ZBTB20: variants seen among roughly 807,000 people sequenced by gnomAD.
ZBTB20 encodes the protein zinc finger and BTB domain-containing protein 20.
Under a neutral mutation model 56.9 loss-of-function variants are expected in ZBTB20, and 9 were observed. The ratio of observed to expected loss-of-function variants is 0.16; its 90% confidence interval spans 0.10 to 0.28. The LOEUF (loss-of-function observed/expected upper bound fraction) is 0.28. Ranked by LOEUF, ZBTB20 falls within the 10% of genes least tolerant of loss-of-function variation. ZBTB20 has a pLI of 1.00. For synonymous variants in ZBTB20, 417 were observed against 420.7 expected (o/e 0.99, Z 0.11); for missense variants, 655 against 1,003.0 (o/e 0.65, Z 4.69).
At chr3:114,477,364 A>G (rs2040905258) in intron 7 of ZBTB20, among the ~76,000 whole-genome samples, 1 of 152,170 alleles carries the variant, frequency 6.6e-6, no homozygotes, top group South Asian at 2.1e-4. Flanking sequence ...TACTTTATAG[A>G]TAAAGAAACT....
At chr3:115,016,319 A>G (rs879216967) in intron 2 of ZBTB20, among the ~76,000 whole-genome samples, 1 of 151,864 alleles carries the variant, frequency 6.6e-6, no homozygotes, top group African/African-American at 2.4e-5. Flanking sequence ...CTTTAGTTTA[A>G]TTAGATCCCA....
intron 2 of ZBTB20, among the ~76,000 whole-genome samples, chr3:114,998,045 T>C (rs1316260867): frequency 6.6e-6 from 1 of 151,794 alleles, no homozygotes; most frequent in Admixed American, 6.6e-5. Flanking sequence ...CTATAAATAG[T>C]GAAATGATTA....
chr3:115,001,681 T>G (rs2079255651), intron 2 of ZBTB20, among the ~76,000 whole-genome samples: 1 of 151,106 alleles, frequency 6.6e-6, no homozygotes, highest in Non-Finnish European at 1.5e-5. Flanking sequence ...TCATATAAAA[T>G]CTAACAAAAT....
At chr3:114,340,360 C>A (rs947476770) in intron 11 of ZBTB20, among the ~76,000 whole-genome samples, 1 of 151,812 alleles carries the variant, frequency 6.6e-6, no homozygotes, top group African/African-American at 2.4e-5. Context: ...AAGGATACCT[C>A]CCACCCCCAT....
chr3:114,588,263 T>C (rs2055386140), intron 6 of ZBTB20, among the ~76,000 whole-genome samples: 1 of 152,228 alleles, frequency 6.6e-6, no homozygotes, highest in South Asian at 2.1e-4. Flanking sequence ...TTCTCTTTAA[T>C]GATAGCTTTG....
rs144556684 is a variant in ZBTB20, at chr3:114,722,547, A to G, written c.-342-28972T>C. 8.3e-4 allele frequency among the ~76,000 whole-genome samples: 127 copies of G among 152,356 alleles called. 1 individual carries two copies. Among genetic ancestry groups the G allele is most frequent in the Middle Eastern group, 3.4e-3 (1 of 294 alleles). The stretch of plus-strand genomic sequence containing the variant: ...AATTGCAGGGAGATAGATCAGTTGA[A>G]TGGTTTAACTTGGACTTGAGAAATC... On this transcript the variant is annotated intron_variant, in intron 5 of 11. Transcript: ENST00000675478.
intron 5 of ZBTB20, among the ~76,000 whole-genome samples, chr3:114,763,424 T>C (rs1262376544): frequency 2.0e-5 from 3 of 152,196 alleles, no homozygotes; most frequent in African/African-American, 7.2e-5. Context: ...TTACTTTTTA[T>C]CTATGATACC....
At chr3:114,735,216 A>G (rs895123979) in intron 5 of ZBTB20, among the ~76,000 whole-genome samples, 3 of 152,160 alleles carry the variant, frequency 2.0e-5, no homozygotes, top group African/African-American at 7.2e-5. Context: ...TCTGAATTTG[A>G]AAATGAGTTT....
At chr3:114,565,675 A>G (rs2052635369) in intron 6 of ZBTB20, among the ~76,000 whole-genome samples, 1 of 152,154 alleles carries the variant, frequency 6.6e-6, no homozygotes, top group African/African-American at 2.4e-5. Context: ...GTATCATGCA[A>G]TTTCTCCAGT....
intron 2 of ZBTB20, among the ~76,000 whole-genome samples, chr3:115,037,971 A>T (rs1323166105): frequency 2.0e-5 from 3 of 152,274 alleles, no homozygotes; most frequent in Admixed American, 2.0e-4. Context: ...GGTCTAAAAC[A>T]TGATTAAATA....
intron 7 of ZBTB20, among the ~76,000 whole-genome samples, chr3:114,475,292 G>A (rs1448177765): frequency 1.3e-5 from 2 of 151,914 alleles, no homozygotes; most frequent in East Asian, 1.9e-4. Context: ...CCCTCAGTTA[G>A]CCCTCCTCTG....
Position 114,351,073 on chromosome 3 carries a change from G to A in ZBTB20, c.1005C>T (p.Asp335=), listed in dbSNP as rs367805942. Residue 335 remains aspartate, a synonymous_variant, in exon 11 of 12, where the codon GAC becomes GAT. Transcript: ENST00000675478. Reference sequence around the variant, plus strand: ...TTTGCTGCCCGTAGTAGTCGTAATCGTCCTCCATCTCCTGCTTGATGTGGA... The same window carrying A: ...TTTGCTGCCCGTAGTAGTCGTAATCATCCTCCATCTCCTGCTTGATGTGGA... ...GNIHIKQEME[D]DYDYYGQQRV... 3 of 1,610,782 alleles carry A rather than the reference G, an allele frequency of 1.9e-6. No individual in the cohort carries two copies. Among genetic ancestry groups the A allele is most frequent in the Middle Eastern group, 1.6e-4 (1 of 6,084 alleles).
chr3:114,887,451 T>A (rs778398974), intron 4 of ZBTB20, among the ~76,000 whole-genome samples: 5 of 152,164 alleles, frequency 3.3e-5, no homozygotes, highest in Non-Finnish European at 7.4e-5. Flanking sequence ...AACCATGAGA[T>A]AAAATCATCC....
chr3:115,037,799 T>G (rs2080988036), intron 2 of ZBTB20, among the ~76,000 whole-genome samples: 1 of 152,180 alleles, frequency 6.6e-6, no homozygotes, highest in South Asian at 2.1e-4. Context: ...AATTGATAGG[T>G]GAAGATGAGC....
intron 3 of ZBTB20, among the ~76,000 whole-genome samples, chr3:114,934,120 C>T (rs539621170): frequency 1.1e-3 from 165 of 152,272 alleles, no homozygotes; most frequent in African/African-American, 3.8e-3. Flanking sequence ...TCTTAGGTCC[C>T]TAATGCATGA....
chr3:114,925,038 C>T (rs1220695754), intron 3 of ZBTB20, among the ~76,000 whole-genome samples: 1 of 137,318 alleles, frequency 7.3e-6, no homozygotes, highest in African/African-American at 2.8e-5. Flanking sequence ...GGATGGAGTG[C>T]AGTGGCGCAA....
chr3:114,469,291 C>T (rs986749953), intron 7 of ZBTB20, among the ~76,000 whole-genome samples: 2 of 152,106 alleles, frequency 1.3e-5, no homozygotes, highest in Non-Finnish European at 2.9e-5. Flanking sequence ...TGTGGAGAGA[C>T]TGAACCTCAA....
chr3:114,914,450 T>C (rs1168091415), intron 3 of ZBTB20, among the ~76,000 whole-genome samples: 1 of 152,100 alleles, frequency 6.6e-6, no homozygotes, highest in Non-Finnish European at 1.5e-5. Context: ...CTGAATTTAT[T>C]GATCAGTTCT....
At chr3:114,727,087 A>G (rs1449153488) in intron 5 of ZBTB20, among the ~76,000 whole-genome samples, 1 of 151,864 alleles carries the variant, frequency 6.6e-6, no homozygotes, top group Non-Finnish European at 1.5e-5. Flanking sequence ...ACATAGAGAA[A>G]CCTACATGAA....
Sources: gnomAD v4.1 joint callset for allele counts (sites outside exome capture counted in the v4.1 genomes callset) on GRCh38, gnomAD v4.1.1 for gene constraint, MANE v1.5 for transcripts, NCBI Gene and HGNC (gene_info 2026-07-23, HGNC 2026-07-21) for gene names.